Variants in EPHA6 observed in about 807,000 individuals in gnomAD.
EPHA6 encodes the protein ephrin type-A receptor 6.
In EPHA6, 50 loss-of-function variants were observed where a neutral mutation model predicts 112.0. The ratio of observed to expected loss-of-function variants is 0.45; its 90% CI spans 0.36 to 0.56. EPHA6 has a LOEUF of 0.56. Ranked by LOEUF, EPHA6 falls within the 20% of genes least tolerant of loss-of-function variation. The probability of loss-of-function intolerance (pLI) is 0.00; values close to 1 mark genes in which losing one functional copy is unlikely to be tolerated. For synonymous variants in EPHA6, 529 were observed against 490.7 expected (o/e 1.08, Z -1.03); for missense variants, 1,280 against 1,417.4 (o/e 0.90, Z 1.56).
rs762976665 is a variant in EPHA6, at chr3:97,405,198, G to A, written c.1655G>A (p.Ser552Asn). The A allele has an allele frequency of 3.1e-6, 5 of 1,607,740 alleles. No individual in the cohort carries two copies. The South Asian group carries it at 4.4e-5, about 14-fold the overall frequency. The part of the protein sequence containing the change: ...VVRKDWASQN[S>N]IALSWQAPAF... Reference sequence around the variant, plus strand: ...AGGAAGGACTGGGCATCCCAAAATAGCATTGCCCTATCATGGCAAGCACCT... The same window carrying A: ...AGGAAGGACTGGGCATCCCAAAATAACATTGCCCTATCATGGCAAGCACCT... Residue 552 changes from serine (S) to asparagine (N), a missense_variant, in exon 6 of 18, where the codon AGC becomes AAC. Physicochemically the swap from Ser to Asn is conservative, Grantham distance 46. Transcript: ENST00000389672.
chr3:97,453,587 A>C (rs934984402), intron 7 of EPHA6, among the ~76,000 whole-genome samples: 3 of 151,752 alleles, frequency 2.0e-5, no homozygotes, highest in Non-Finnish European at 4.4e-5. Context: ...AATCAACATT[A>C]ACAAACCAAA....
intron 2 of EPHA6, among the ~76,000 whole-genome samples, chr3:96,984,058 A>G (rs1057314851): frequency 3.3e-5 from 5 of 152,168 alleles, no homozygotes; most frequent in African/African-American, 9.7e-5. Flanking sequence ...CAACTCGTCA[A>G]CGTCATTCTC....
intron 12 of EPHA6, among the ~76,000 whole-genome samples, chr3:97,602,955 T>A (rs2093654293): frequency 6.6e-6 from 1 of 152,028 alleles, no homozygotes; most frequent in African/African-American, 2.4e-5. Flanking sequence ...CAACTATTAA[T>A]TATTACATAA....
At chr3:97,569,979 C>A (rs911602284) in intron 11 of EPHA6, 1 of 152,108 alleles carries the variant, frequency 6.6e-6, no homozygotes, top group Non-Finnish European at 1.5e-5. Context: ...TGATTCAAAC[C>A]TTGTTGAATT....
rs1245133250 is a variant in EPHA6, at chr3:96,814,762, G to A, written c.139G>A (p.Gly47Arg). 2 of 1,600,418 alleles carry A rather than the reference G, an allele frequency of 1.2e-6. No homozygotes were observed. Among genetic ancestry groups the A allele is most frequent in the Non-Finnish European group, 8.5e-7 (1 of 1,172,264 alleles). ...CGGGACCTCGCGCAGGGGGCGCCCC[G>A]GGACACCCCCTGCGGGCCGGGTGGA... ...VPGTSRRGRP[G>R]TPPAGRVEEE... is the part of the protein sequence containing the mutation. The change falls in exon 1 of 18, where the codon GGG becomes AGG. Residue 47 changes from glycine (G) to arginine (R), a missense_variant. Gly to Arg is a moderately radical substitution (Grantham distance 125, BLOSUM62 -2). Coordinates refer to ENST00000389672, the MANE Select transcript of EPHA6 (RefSeq NM_001080448.3).
intron 1 of EPHA6, among the ~76,000 whole-genome samples, chr3:96,844,278 G>A (rs113829899): frequency 0.01 from 1,582 of 152,030 alleles, 27 homozygotes; most frequent in African/African-American, 0.036. Context: ...CACCTGCCCT[G>A]TTGAAGTTAT....
chr3:97,643,632 C>G (rs1450583328), intron 14 of EPHA6, among the ~76,000 whole-genome samples: 17 of 151,322 alleles, frequency 1.1e-4, no homozygotes, highest in East Asian at 7.8e-4. Flanking sequence ...AAAAAGCAGG[C>G]GTTGCAATCC....
At chr3:96,841,066 G>A (rs372378228) in intron 1 of EPHA6, among the ~76,000 whole-genome samples, 2 of 152,112 alleles carry the variant, frequency 1.3e-5, no homozygotes, top group South Asian at 2.1e-4. Flanking sequence ...GTAGGCGAAC[G>A]TTTGGTTTTA....
rs187680933 is a variant in EPHA6 at position 97,640,712 on chromosome 3, G to A, written c.2784+2630G>A. On this transcript the variant is annotated intron_variant, in intron 14 of 17. Coordinates refer to ENST00000389672, the MANE Select transcript of EPHA6 (RefSeq NM_001080448.3). ...GGAGAACCGCTTGAACCCAGGAGGC[G>A]GAGGTTGCGATGAACTGAGATCATG... 1.7e-4 allele frequency among the ~76,000 whole-genome samples: 26 copies of A among 152,174 alleles called. No homozygotes were observed. The South Asian group carries it at 2.5e-3, about 15-fold the overall frequency.
chr3:97,077,472 GCTGGCC>G (rs2046566055), intron 3 of EPHA6, among the ~76,000 whole-genome samples: 3 of 152,098 alleles, frequency 2.0e-5, no homozygotes, highest in Admixed American at 2.0e-4. Flanking sequence ...CATGTGCCAT[GCTGGCC>G]CGCTGTACCC....
intron 3 of EPHA6, among the ~76,000 whole-genome samples, chr3:97,108,043 T>G (rs1389254879): frequency 6.6e-6 from 1 of 152,194 alleles, no homozygotes; most frequent in African/African-American, 2.4e-5. Flanking sequence ...AAGTTTGGCC[T>G]CCTTCAAAAC....
At chr3:96,981,490 G>A (rs80203813) in intron 2 of EPHA6, among the ~76,000 whole-genome samples, 9 of 152,134 alleles carry the variant, frequency 5.9e-5, no homozygotes, top group Non-Finnish European at 1.0e-4. Flanking sequence ...ATGTTCATCA[G>A]GGATATTGGT....
intron 2 of EPHA6, among the ~76,000 whole-genome samples, chr3:96,896,733 A>C (rs774655036): frequency 5.3e-5 from 8 of 152,200 alleles, no homozygotes; most frequent in Non-Finnish European, 1.2e-4. Flanking sequence ...GCAAGGAATT[A>C]TGATATCACC....
chr3:96,821,132 T>C (rs529160706), intron 1 of EPHA6, among the ~76,000 whole-genome samples: 9 of 152,120 alleles, frequency 5.9e-5, no homozygotes, highest in African/African-American at 1.7e-4. Flanking sequence ...GAAACTGTTA[T>C]ACTTTTAAGT....
Position 97,448,450 on chromosome 3 carries a change from T to C in EPHA6, c.1732-118T>C, listed in dbSNP as rs565095359. 21 of 1,070,860 alleles carry C rather than the reference T, an allele frequency of 2.0e-5. No homozygotes were observed. The East Asian group carries it at 4.4e-4, about 23-fold the overall frequency. The allele number at this position is 1,070,860 out of a possible 1,614,324, so 66.3% of individuals were successfully genotyped here. A position where few individuals can be genotyped will look rare whatever the true frequency, so the allele number is the denominator to read the frequency against. Reference sequence around the variant, plus strand: ...TATGGAAAACCATGCTAACACTACTTTGTAATCAATACTTTTGGTATTCAG... The same window carrying C: ...TATGGAAAACCATGCTAACACTACTCTGTAATCAATACTTTTGGTATTCAG... On this transcript the variant is annotated intron_variant, in intron 6 of 17. Coordinates refer to ENST00000389672, the MANE Select transcript of EPHA6 (RefSeq NM_001080448.3).
At chr3:97,430,759 T>C (rs532397180) in intron 6 of EPHA6, among the ~76,000 whole-genome samples, 2 of 152,276 alleles carry the variant, frequency 1.3e-5, no homozygotes, top group Non-Finnish European at 1.5e-5. Flanking sequence ...TTGTAATGCA[T>C]TTCTCTTAAT....
chr3:97,425,668 T>A (rs1187672992), intron 6 of EPHA6, among the ~76,000 whole-genome samples: 1 of 152,232 alleles, frequency 6.6e-6, no homozygotes, highest in East Asian at 1.9e-4. Context: ...AACATTGGGC[T>A]GTTCATTACT....
At chr3:97,050,946 A>G (rs971933647) in intron 3 of EPHA6, among the ~76,000 whole-genome samples, 1 of 152,164 alleles carries the variant, frequency 6.6e-6, no homozygotes, top group African/African-American at 2.4e-5. Context: ...ATATACTAAT[A>G]TCGAACTTGA....
intron 3 of EPHA6, among the ~76,000 whole-genome samples, chr3:97,150,749 C>T (rs1251848610): frequency 6.6e-6 from 1 of 152,184 alleles, no homozygotes; most frequent in Admixed American, 6.6e-5. Flanking sequence ...GTTCTTGGTG[C>T]TCACCTCCCT....
Sources: allele counts gnomAD v4.1 joint callset (sites outside exome capture counted in the v4.1 genomes callset), GRCh38; gene constraint gnomAD v4.1.1; transcripts MANE v1.5; gene names NCBI Gene and HGNC (gene_info 2026-07-23, HGNC 2026-07-21).